GDAP2: variants seen among roughly 807,000 people sequenced by gnomAD.
The protein encoded by GDAP2 is ganglioside-induced differentiation-associated protein 2.
GDAP2 carries 51 observed loss-of-function variants against 67.0 expected under a neutral mutation model. The observed-to-expected ratio is 0.76, with a 90% confidence interval of 0.61 to 0.96. GDAP2 has a LOEUF of 0.96. Ranked by LOEUF, GDAP2 falls within the 40% of genes least tolerant of loss-of-function variation. GDAP2 has a pLI of 0.00. For synonymous variants in GDAP2, 203 were observed against 207.3 expected, an observed-to-expected ratio of 0.98 and a Z score of 0.18; for missense variants, 547 against 588.3, an observed-to-expected ratio of 0.93 and a Z score of 0.73.
Position 117,864,509 on chromosome 1 carries a change from CACATT to C in GDAP2, c.*6055_*6059del, listed in dbSNP as rs1416272558. The C allele has an allele frequency of 2.0e-5, 3 of 152,184 alleles. No individual in the cohort carries two copies. The highest frequency in any genetic ancestry group is 7.2e-5 in the African/African-American group (3 of 41,452). 9.4% of individuals were successfully genotyped at this position (152,184 alleles called of 1,614,324 possible). The stretch of plus-strand genomic sequence containing the variant: ...GTACTGTAGCACTCAGTACCATAAT[CACATT>C]ACAAGTGACAATTTCATTTTGTCAA... On this transcript the variant is annotated 3_prime_UTR_variant, in exon 14 of 14. Coordinates refer to ENST00000369443, the MANE Select transcript of GDAP2 (RefSeq NM_017686.4).
Position 117,868,788 on chromosome 1 carries a change from T to C in GDAP2, c.*1781A>G, listed in dbSNP as rs1355456567. The C allele has an allele frequency of 6.6e-6, 1 of 152,090 alleles. No individual in the cohort carries two copies. The highest frequency in any genetic ancestry group is 1.9e-4 in the East Asian group (1 of 5,176). 9.4% of individuals were successfully genotyped at this position (152,090 alleles called of 1,614,324 possible). On this transcript the variant is annotated 3_prime_UTR_variant, in exon 14 of 14. Transcript: ENST00000369443. ...TTGAGAGAAAGCTTAACATCCGACA[T>C]CTGACTGGCTGCCTGGATGTGATGA... is the stretch of plus-strand genomic sequence containing the variant.
intron 3 of GDAP2, among the ~76,000 whole-genome samples, chr1:117,916,075 T>G (rs1382317432): frequency 2.0e-5 from 3 of 152,206 alleles, no homozygotes; most frequent in African/African-American, 4.8e-5. Context: ...CTTGTCCATA[T>G]GGAGTTTACA....
In GDAP2 at chr1:117,864,332, T is replaced by G. The variant is rs1291858050; in HGVS notation, c.*6237A>C. ...TTATGGAGAACAGAGGCTGTTTTAA[T>G]AGGGGAATGATGGATTCAGGCTAGA... On this transcript the variant is annotated 3_prime_UTR_variant, in exon 14 of 14. Transcript: ENST00000369443. 2 of 152,200 alleles carry G rather than the reference T, an allele frequency of 1.3e-5. No individual in the cohort carries two copies. Among genetic ancestry groups the G allele is most frequent in the Non-Finnish European group, 2.9e-5 (2 of 68,048 alleles). 9.4% of individuals were successfully genotyped at this position (152,200 alleles called of 1,614,324 possible).
chr1:117,866,562 A>C lies in GDAP2; in HGVS notation c.*4007T>G, dbSNP rs1159835120. 6.6e-6 allele frequency: 1 copy of C among 152,156 alleles called. No individual in the cohort carries two copies. Among genetic ancestry groups the C allele is most frequent in the Non-Finnish European group, 1.5e-5 (1 of 68,022 alleles). The allele number at this position is 152,156 out of a possible 1,614,324, so 9.4% of individuals were successfully genotyped here. A position where few individuals can be genotyped will look rare whatever the true frequency, so the allele number is the denominator to read the frequency against. On this transcript the variant is annotated 3_prime_UTR_variant, in exon 14 of 14. Coordinates refer to ENST00000369443, the MANE Select transcript of GDAP2 (RefSeq NM_017686.4). ...ATGATTACAACTTAAGAAAACTATA[A>C]TCAGAAACCTGGCCAGGCACAGTGG...
intron 5 of GDAP2, among the ~76,000 whole-genome samples, chr1:117,908,824 C>CA (rs1553199519): frequency 6.8e-6 from 1 of 147,600 alleles, no homozygotes; most frequent in African/African-American, 2.6e-5. Context: ...GACTCTATCT[C>CA]AAAAAAATAA....
intron 5 of GDAP2, among the ~76,000 whole-genome samples, chr1:117,910,915 A>C (rs563161713): frequency 2.0e-5 from 3 of 152,328 alleles, no homozygotes; most frequent in Non-Finnish European, 2.9e-5. Context: ...ATAACATGCA[A>C]ATTCTGTATT....
Position 117,884,519 on chromosome 1 carries a change from G to A in GDAP2, c.1108-892C>T, listed in dbSNP as rs576064739. Among the ~76,000 whole-genome samples the A allele has an allele frequency of 5.9e-5, 9 of 152,248 alleles. No homozygotes were observed. In the East Asian group the frequency reaches 7.7e-4, roughly 13 times the overall value. ...GATTAACATGGACTAGGATCCAACT[G>A]CTACTAGAGCAGATAGAGAAGGGCA... On this transcript the variant is annotated intron_variant, in intron 10 of 13. Coordinates refer to ENST00000369443, the MANE Select transcript of GDAP2 (RefSeq NM_017686.4).
chr1:117,899,431 C>T (rs777308192), intron 6 of GDAP2, among the ~76,000 whole-genome samples: 1 of 152,018 alleles, frequency 6.6e-6, no homozygotes. Flanking sequence ...AATGTGATGC[C>T]CATCCTAACA....
Position 117,878,103 on chromosome 1 carries a change from T to C in GDAP2, c.1352A>G (p.Lys451Arg). The change falls in exon 13 of 14, where the codon AAA becomes AGA. Residue 451 changes from lysine (K) to arginine (R), a missense_variant. Transcript: ENST00000369443. ...GTGGAGGCTGTCCACATGGTGGATT[T>C]TGTCCTTCAGTCCTGAGACAGAAAA... The part of the protein sequence containing the change: ...TTFSVSGLKD[K>R]IHHVDSLHQL... The C allele has an allele frequency of 6.2e-7, 1 of 1,612,390 alleles. No individual in the cohort carries two copies. Among genetic ancestry groups the C allele is most frequent in the Non-Finnish European group, 8.5e-7 (1 of 1,178,844 alleles).
At chr1:117,895,631 T>A (rs1472649099) in intron 8 of GDAP2, among the ~76,000 whole-genome samples, 4 of 152,092 alleles carry the variant, frequency 2.6e-5, no homozygotes, top group African/African-American at 9.7e-5. Context: ...GTCTTACACA[T>A]ATGGCCAAGT....
chr1:117,864,972 C>T lies in GDAP2; in HGVS notation c.*5597G>A, dbSNP rs933184426. On this transcript the variant is annotated 3_prime_UTR_variant, in exon 14 of 14. Coordinates refer to ENST00000369443, the MANE Select transcript of GDAP2 (RefSeq NM_017686.4). ...AGAAAATCTGGAAGCTAAATGCAGTCTATACTCTTTTACTCTAACTATGGT... is the reference window on the plus strand; with the variant it reads ...AGAAAATCTGGAAGCTAAATGCAGTTTATACTCTTTTACTCTAACTATGGT... 1 of 152,138 alleles carries T rather than the reference C, an allele frequency of 6.6e-6. No individual in the cohort carries two copies. The highest frequency in any genetic ancestry group is 2.4e-5 in the African/African-American group (1 of 41,406). 9.4% of individuals were successfully genotyped at this position (152,138 alleles called of 1,614,324 possible).
At chr1:117,877,331 A>G in intron 13 of GDAP2, 2 of 974,126 alleles carry the variant, frequency 2.1e-6, no homozygotes, top group Non-Finnish European at 2.4e-6. Context: ...GGTTCATACA[A>G]TATAAAGATA....
At chr1:117,883,742 A>G in intron 10 of GDAP2, 115 bp from the exon 11 acceptor site, 1 of 633,538 alleles carries the variant, frequency 1.6e-6, no homozygotes, top group Non-Finnish European at 2.7e-6. Flanking sequence ...TCTATGCCCT[A>G]GTCATCATAA....
intron 3 of GDAP2, among the ~76,000 whole-genome samples, chr1:117,916,523 C>T (rs1048735179): frequency 1.3e-5 from 2 of 152,062 alleles, no homozygotes; most frequent in African/African-American, 4.8e-5. Flanking sequence ...TGTGTGTGGA[C>T]AATGGATTTA....
intron 13 of GDAP2, among the ~76,000 whole-genome samples, chr1:117,873,778 C>T (rs1648369133): frequency 6.6e-6 from 1 of 152,186 alleles, no homozygotes; most frequent in African/African-American, 2.4e-5. Flanking sequence ...TTTTCTGCTT[C>T]ATCCTTAGTG....
rs556456580 is a variant in GDAP2 at position 117,869,219 on chromosome 1, C to G, written c.*1350G>C. The G allele has an allele frequency of 1.3e-5, 2 of 151,848 alleles. No homozygotes were observed. The highest frequency in any genetic ancestry group is 2.1e-4 in the South Asian group (1 of 4,788). The allele number at this position is 151,848 out of a possible 1,614,324, so 9.4% of individuals were successfully genotyped here. A position where few individuals can be genotyped will look rare whatever the true frequency, so the allele number is the denominator to read the frequency against. On this transcript the variant is annotated 3_prime_UTR_variant, in exon 14 of 14. Coordinates refer to ENST00000369443, the MANE Select transcript of GDAP2 (RefSeq NM_017686.4). Reference sequence around the variant, plus strand: ...GGAATCAAAAAAAGTACAAAGCTACCCAGATGGGAATAATAATGGTTTGAC... The same window carrying G: ...GGAATCAAAAAAAGTACAAAGCTACGCAGATGGGAATAATAATGGTTTGAC...
chr1:117,912,788 T>C (rs1314598449), intron 3 of GDAP2, 105 bp from the exon 4 acceptor site: 2 of 994,176 alleles, frequency 2.0e-6, no homozygotes, highest in East Asian at 2.4e-5. Flanking sequence ...TTGAGAAATT[T>C]CAGTTAAAAA....
chr1:117,896,862 C>T lies in GDAP2; in HGVS notation c.924G>A (p.Glu308=). 6.2e-7 allele frequency: 1 copy of T among 1,612,766 alleles called. No homozygotes were observed. Among genetic ancestry groups the T allele is most frequent in the Non-Finnish European group, 8.5e-7 (1 of 1,179,292 alleles). The change falls in exon 8 of 14, where the codon GAG becomes GAA. Residue 308 remains glutamate (E), a synonymous_variant. Coordinates refer to ENST00000369443, the MANE Select transcript of GDAP2 (RefSeq NM_017686.4). ...TTTGATGCTGCTTCTGCAGAGCTGCCTCTGATAATTGTCCCTGAAGGATCA... is the reference window on the plus strand; with the variant it reads ...TTTGATGCTGCTTCTGCAGAGCTGCTTCTGATAATTGTCCCTGAAGGATCA... ...RKLILQGQLS[E]AALQKQHQRN...
rs138490344 is a variant in GDAP2 at position 117,870,846 on chromosome 1, A to C, written c.1447-230T>G. Reference sequence around the variant, plus strand: ...TTTTAAGAATAATACCACTTATTGAATATTTTATGTGCCAGACAATTTATA... The same window carrying C: ...TTTTAAGAATAATACCACTTATTGACTATTTTATGTGCCAGACAATTTATA... On this transcript the variant is annotated intron_variant, in intron 13 of 13. Coordinates refer to ENST00000369443, the MANE Select transcript of GDAP2 (RefSeq NM_017686.4). Among the ~76,000 whole-genome samples, 1,196 of 152,294 alleles carry C rather than the reference A, an allele frequency of 7.9e-3. 14 individuals are homozygous for C. Among genetic ancestry groups the C allele is most frequent in the African/African-American group, 0.027 (1,130 of 41,548 alleles).
Sources: allele counts gnomAD v4.1 joint callset (sites outside exome capture counted in the v4.1 genomes callset), GRCh38; gene constraint gnomAD v4.1.1; transcripts MANE v1.5; gene names NCBI Gene and HGNC (gene_info 2026-07-23, HGNC 2026-07-21).